NTNG2: variants seen among roughly 807,000 people sequenced by gnomAD.
NTNG2 encodes netrin G2.
A neutral mutation model predicts 47.6 loss-of-function variants in NTNG2; 15 were observed. The ratio of observed to expected loss-of-function variants is 0.32; its 90% confidence interval spans 0.21 to 0.49. NTNG2 has a LOEUF of 0.49. NTNG2 is among the 20% of genes least tolerant of loss of function. The pLI is 0.99. For missense variants in NTNG2, 578 were observed against 764.6 expected (o/e 0.76, Z 2.88); for synonymous variants, 307 against 324.6 (o/e 0.95, Z 0.58).
In NTNG2 at chr9:132,204,214, C is replaced by T. The variant is rs540299637; in HGVS notation, c.857+5605C>T. 3.0e-4 allele frequency among the ~76,000 whole-genome samples: 45 copies of T among 152,300 alleles called. No individual in the cohort carries two copies. In the South Asian group the frequency reaches 9.3e-3, roughly 32 times the overall value. On this transcript the variant is annotated intron_variant, in intron 3 of 7. Transcript: ENST00000393229. ...GGCCTGGACGGGCAGATCTGAGCTC[C>T]AGACTGGCCAAGCCCGGCTCCTGCA...
chr9:132,239,261 C>T lies in NTNG2; in HGVS notation c.1212C>T (p.Asn404=), dbSNP rs751436623. 19 of 1,613,562 alleles carry T rather than the reference C, an allele frequency of 1.2e-5. No individual in the cohort carries two copies. Among genetic ancestry groups the T allele is most frequent in the Non-Finnish European group, 1.5e-5 (18 of 1,180,012 alleles). Residue 404 remains asparagine, a synonymous_variant, in exon 6 of 8, where the codon AAC becomes AAT. Coordinates refer to ENST00000393229, the MANE Select transcript of NTNG2 (RefSeq NM_032536.4). ...RNGSAELDDE[N]VCIECNCNQI... is the part of the protein sequence containing the mutation. ...GCTCGGCAGAGCTGGATGATGAGAA[C>T]GTCTGCATTGGTGAGAGGGCACGGA...
At chr9:132,216,159 C>T (rs893658610) in intron 3 of NTNG2, among the ~76,000 whole-genome samples, 5 of 152,188 alleles carry the variant, frequency 3.3e-5, no homozygotes, top group African/African-American at 1.2e-4. Context: ...TGACACTCAC[C>T]GGCCTTTAAC....
intron 1 of NTNG2, among the ~76,000 whole-genome samples, chr9:132,164,279 T>C (rs1835328542): frequency 6.6e-6 from 1 of 152,178 alleles, no homozygotes; most frequent in Non-Finnish European, 1.5e-5. Context: ...CTGCAATTAA[T>C]AGATTTGCGA....
At position 132,241,904 on chromosome 9, in the gene NTNG2, G is replaced by A; in HGVS notation, c.1386G>A (p.Leu462=). 1 of 1,577,592 alleles carries A rather than the reference G, an allele frequency of 6.3e-7. No homozygotes were observed. The highest frequency in any genetic ancestry group is 8.6e-7 in the Non-Finnish European group (1 of 1,168,434). ...ACGTGTGCGACGACGACCAGCTGCT[G>A]TGCCAGAACGGAGGCACCTGCCTGC... ...YPNVCDDDQL[L]CQNGGTCLQN... is the part of the protein sequence containing the mutation. Residue 462 remains leucine, a synonymous_variant, in exon 8 of 8, where the codon CTG becomes CTA. Coordinates refer to ENST00000393229, the MANE Select transcript of NTNG2 (RefSeq NM_032536.4).
chr9:132,186,008 T>A lies in NTNG2; in HGVS notation c.214-11958T>A, dbSNP rs562274212. Reference sequence around the variant, plus strand: ...GAGGAGGGCTTAGCCTCACCCGGCCTCCCTCTCTCCTTTTTCTAATCAATT... The same window carrying A: ...GAGGAGGGCTTAGCCTCACCCGGCCACCCTCTCTCCTTTTTCTAATCAATT... On this transcript the variant is annotated intron_variant, in intron 2 of 7. Transcript: ENST00000393229. 1.3e-3 allele frequency among the ~76,000 whole-genome samples: 196 copies of A among 152,274 alleles called. 3 individuals carry two copies. Among genetic ancestry groups the A allele is most frequent in the African/African-American group, 4.4e-3 (181 of 41,556 alleles).
At position 132,241,800 on chromosome 9, in the gene NTNG2, C is replaced by G. The variant is rs1255862469; in HGVS notation, c.1358-76C>G. Reference sequence around the variant, plus strand: ...GACGGCGCCCCCGGGATCTCGCACACCCTGCTTCGCAGGAGCTCGGAGGTT... The same window carrying G: ...GACGGCGCCCCCGGGATCTCGCACAGCCTGCTTCGCAGGAGCTCGGAGGTT... On this transcript the variant is annotated intron_variant, in intron 7 of 7. Coordinates refer to ENST00000393229, the MANE Select transcript of NTNG2 (RefSeq NM_032536.4). 3.4e-6 allele frequency: 4 copies of G among 1,172,854 alleles called. No individual in the cohort carries two copies. In the South Asian group the frequency reaches 4.4e-5, roughly 13 times the overall value. 72.7% of individuals were successfully genotyped at this position (1,172,854 alleles called of 1,614,324 possible). A position where few individuals can be genotyped will look rare whatever the true frequency, so the allele number is the denominator to read the frequency against.
intron 5 of NTNG2, among the ~76,000 whole-genome samples, chr9:132,237,508 T>C (rs1841715538): frequency 6.6e-6 from 1 of 152,340 alleles, no homozygotes; most frequent in South Asian, 2.1e-4. Context: ...GTGATGCCTA[T>C]TGAAGAATTC....
chr9:132,226,517 G>A lies in NTNG2; in HGVS notation c.858-332G>A, dbSNP rs1051011502. ...CAGTCAAAGGCTAGGGTGATCAGAA[G>A]CTGCATTACTAAGAATCTAGCATCT... On this transcript the variant is annotated intron_variant, in intron 3 of 7. Coordinates refer to ENST00000393229, the MANE Select transcript of NTNG2 (RefSeq NM_032536.4). This position sits in a 1 kb window ranked among gnomAD's most constrained non-coding sequence, Gnocchi z 4.8. 3.3e-5 allele frequency among the ~76,000 whole-genome samples: 5 copies of A among 152,214 alleles called. No individual in the cohort carries two copies. The highest frequency in any genetic ancestry group is 1.2e-4 in the African/African-American group (5 of 41,452).
intron 3 of NTNG2, among the ~76,000 whole-genome samples, chr9:132,199,474 G>A (rs560216519): frequency 2.0e-5 from 3 of 152,366 alleles, no homozygotes; most frequent in African/African-American, 7.2e-5. Flanking sequence ...GGTTGTGCAG[G>A]CAGCACTTGA....
At chr9:132,229,421 C>G (rs951674239) in intron 4 of NTNG2, among the ~76,000 whole-genome samples, 1 of 152,162 alleles carries the variant, frequency 6.6e-6, no homozygotes, top group African/African-American at 2.4e-5. Context: ...CTCCCAATGC[C>G]ATCCTCAGCC....
At chr9:132,177,142 A>G (rs1196158380) in intron 2 of NTNG2, among the ~76,000 whole-genome samples, 2 of 152,120 alleles carry the variant, frequency 1.3e-5, no homozygotes, top group Non-Finnish European at 2.9e-5. Context: ...ACACACCACC[A>G]CACCCACCTA....
intron 2 of NTNG2, among the ~76,000 whole-genome samples, chr9:132,177,936 C>T (rs73561504): frequency 0.095 from 14,416 of 152,252 alleles, 1,068 homozygotes; most frequent in African/African-American, 0.18. Flanking sequence ...GGATTACAGG[C>T]GTGAGCCACA....
chr9:132,229,028 G>T (rs1351688203), intron 4 of NTNG2, among the ~76,000 whole-genome samples: 1 of 152,108 alleles, frequency 6.6e-6, no homozygotes, highest in African/African-American at 2.4e-5. Context: ...GCCTGTAGGG[G>T]CTGGGCAGCT....
In NTNG2 at chr9:132,197,873, C is replaced by T; in HGVS notation, c.214-93C>T. ...CCCTGTAGCCACAGAGCAGGTTTCT[C>T]GGTTCGCAGGCAGGGGCTAGGCCGC... On this transcript the variant is annotated intron_variant, in intron 2 of 7. Coordinates refer to ENST00000393229, the MANE Select transcript of NTNG2 (RefSeq NM_032536.4). This position sits in a 1 kb window ranked among gnomAD's most constrained non-coding sequence, Gnocchi z 4.3. 2.4e-6 allele frequency: 3 copies of T among 1,253,592 alleles called. No homozygotes were observed. The highest frequency in any genetic ancestry group is 1.5e-5 in the South Asian group (1 of 66,296). The allele number at this position is 1,253,592 out of a possible 1,614,324, so 77.7% of individuals were successfully genotyped here.
chr9:132,240,253 C>T (rs551797673), intron 6 of NTNG2, among the ~76,000 whole-genome samples: 20 of 152,370 alleles, frequency 1.3e-4, no homozygotes, highest in East Asian at 5.8e-4. Context: ...TGATCAAAGC[C>T]GCTGACGTCA....
chr9:132,238,506 A>C (rs1841782384), intron 5 of NTNG2, among the ~76,000 whole-genome samples: 1 of 152,226 alleles, frequency 6.6e-6, no homozygotes, highest in African/African-American at 2.4e-5. Flanking sequence ...CACTCTTAGC[A>C]TCCTGCAAAA....
rs184597220 is a variant in NTNG2 at position 132,192,858 on chromosome 9, G to T, written c.214-5108G>T. 2.7e-3 allele frequency among the ~76,000 whole-genome samples: 418 copies of T among 152,348 alleles called. 2 individuals are homozygous for T. The highest frequency in any genetic ancestry group is 6.0e-3 in the Admixed American group (92 of 15,312). On this transcript the variant is annotated intron_variant, in intron 2 of 7. Coordinates refer to ENST00000393229, the MANE Select transcript of NTNG2 (RefSeq NM_032536.4). ...ATTGTACTTGCTGTTGACTGAGCTC[G>T]CTCCACAGCAGGCGAGGGGCCTGTA...
At chr9:132,200,488 G>A (rs1266230716) in intron 3 of NTNG2, among the ~76,000 whole-genome samples, 2 of 152,266 alleles carry the variant, frequency 1.3e-5, no homozygotes, top group South Asian at 4.1e-4. Flanking sequence ...GACATTGGCT[G>A]TAAGTGTGTA....
chr9:132,241,391 G>C (rs1283130267), intron 7 of NTNG2: 3 of 395,370 alleles, frequency 7.6e-6, no homozygotes, highest in Non-Finnish European at 1.4e-5. Context: ...GCTGAGGTCC[G>C]GGGCCGGGCC....
Sources: allele counts gnomAD v4.1 joint callset (sites outside exome capture counted in the v4.1 genomes callset), GRCh38; gene constraint gnomAD v4.1.1; non-coding constraint Gnocchi (gnomAD v3.1); transcripts MANE v1.5; gene names NCBI Gene and HGNC (gene_info 2026-07-23, HGNC 2026-07-21).